Variants in ESR2 observed in about 807,000 individuals in gnomAD.
ESR2 encodes estrogen receptor beta.
ESR2 carries 36 observed loss-of-function variants against 49.6 expected under a neutral mutation model. The observed-to-expected ratio is 0.73, with a 90% confidence interval of 0.56 to 0.96. ESR2 has a LOEUF of 0.96. ESR2 is among the 40% of genes least tolerant of loss of function. The probability of loss-of-function intolerance (pLI) is 0.00; values close to 1 mark genes in which losing one functional copy is unlikely to be tolerated. For synonymous variants in ESR2, 320 were observed against 266.1 expected (o/e 1.20, Z -1.97); for missense variants, 714 against 693.0 (o/e 1.03, Z -0.34).
intron 1 of ESR2, chr14:64,335,873 C>T (rs1273559496): frequency 4.4e-5 from 6 of 137,888 alleles, no homozygotes; most frequent in African/African-American, 1.6e-4. Context: ...GGCGTGATCT[C>T]GGCTTACTGC....
chr14:64,295,268 T>G (rs1309879023), upstream of ESR2, among the ~76,000 whole-genome samples: 3 of 152,104 alleles, frequency 2.0e-5, no homozygotes, highest in Non-Finnish European at 2.9e-5. Context: ...AGGGACATGG[T>G]TTTTGAGGGT....
rs939117539 is a variant in ESR2 at position 64,232,971 on chromosome 14, G to A, written c.*166C>T. ...AGGGAAACTATGGCTTCCTCACACC[G>A]ACTCCTGAGAGTTGGGAAGGTGGAG... On this transcript the variant is annotated 3_prime_UTR_variant, in exon 9 of 9. Coordinates refer to ENST00000341099, the MANE Select transcript of ESR2 (RefSeq NM_001437.3). The A allele has an allele frequency of 5.1e-6, 7 of 1,360,090 alleles. No individual in the cohort carries two copies. The highest frequency in any genetic ancestry group is 1.5e-5 in the African/African-American group (1 of 68,854). 84.3% of individuals were successfully genotyped at this position (1,360,090 alleles called of 1,614,324 possible). A position where few individuals can be genotyped will look rare whatever the true frequency, so the allele number is the denominator to read the frequency against.
rs373591910 is a variant in ESR2 at position 64,333,775 on chromosome 14, C to A, written c.-91+4123G>T. On this transcript the variant is annotated intron_variant, in intron 1 of 8. Transcript: ENST00000358599. ...ATCTCCCACTGGGTCCCTCCCACAA[C>A]ATGTGGGAATTATGGGAGCTACAAT... is the stretch of plus-strand genomic sequence containing the variant. 1.1e-4 allele frequency among the ~76,000 whole-genome samples: 17 copies of A among 152,284 alleles called. No homozygotes were observed. In the East Asian group the frequency reaches 1.5e-3, roughly 14 times the overall value.
chr14:64,320,756 G>A (rs910328218), intron 1 of ESR2, among the ~76,000 whole-genome samples: 11 of 151,882 alleles, frequency 7.2e-5, no homozygotes, highest in African/African-American at 2.7e-4. Context: ...TTAGTCGGGT[G>A]TGGTGGTGCA....
At chr14:64,293,669 G>T (rs1267147722) in intron 1 of ESR2, among the ~76,000 whole-genome samples, 2 of 152,182 alleles carry the variant, frequency 1.3e-5, no homozygotes, top group Non-Finnish European at 2.9e-5. Context: ...TGCCTGAGAC[G>T]TGTACATCTT....
intron 1 of ESR2, among the ~76,000 whole-genome samples, chr14:64,321,537 TG>T (rs2077324379): frequency 6.6e-6 from 1 of 152,122 alleles, no homozygotes; most frequent in Non-Finnish European, 1.5e-5. Context: ...GGAATGGAAG[TG>T]GGGAATGGAA....
intron 1 of ESR2, among the ~76,000 whole-genome samples, chr14:64,322,518 GAAAAAA>G (rs35866794): frequency 4.6e-5 from 4 of 86,492 alleles, no homozygotes; most frequent in Admixed American, 2.4e-4. Context: ...CCACAGAAAG[GAAAAAA>G]AAAAAAAAAA....
At position 64,260,571 on chromosome 14, in the gene ESR2, G is replaced by T. The variant is rs768870975; in HGVS notation, c.830C>A (p.Pro277Gln). 1 of 1,602,010 alleles carries T rather than the reference G, an allele frequency of 6.2e-7. No homozygotes were observed. Among genetic ancestry groups the T allele is most frequent in the South Asian group, 1.1e-5 (1 of 89,856 alleles). The part of the protein sequence containing the change: ...QLVLTLLEAE[P>Q]PHVLISRPSA... ...GGGGCGGCTGATCAGCACATGGGGC[G>T]GCTCAGCCTCCAGGAGGGTGAGCAC... The change falls in exon 5 of 9, where the codon CCG (proline) becomes CAG (glutamine). Residue 277 changes from proline to glutamine, a missense_variant. Pro to Gln is a moderately conservative substitution (Grantham distance 76). Transcript: ENST00000341099.
intron 1 of ESR2, among the ~76,000 whole-genome samples, chr14:64,299,844 T>A (rs2077002715): frequency 6.6e-6 from 1 of 152,206 alleles, no homozygotes; most frequent in Non-Finnish European, 1.5e-5. Context: ...AAGTAGTTCA[T>A]GCAGCTACTT....
At chr14:64,272,643 T>C (rs998320615) in intron 3 of ESR2, among the ~76,000 whole-genome samples, 2 of 152,206 alleles carry the variant, frequency 1.3e-5, no homozygotes, top group Non-Finnish European at 2.9e-5. Flanking sequence ...GCACCATTTA[T>C]TGAAGAGACT....
intron 5 of ESR2, among the ~76,000 whole-genome samples, chr14:64,259,422 TTA>T (rs2076167463): frequency 6.6e-6 from 1 of 152,192 alleles, no homozygotes; most frequent in African/African-American, 2.4e-5. Context: ...GGCTCAGAAC[TTA>T]TAAGAGACTT....
At chr14:64,227,411 T>A (rs1567719841), downstream of ESR2, 2 of 1,158,012 alleles carry the variant, frequency 1.7e-6, no homozygotes, top group African/African-American at 3.1e-5. Context: ...ATAACTAACT[T>A]CAAAGTATTT....
At chr14:64,288,590 C>T (rs1027134746) in intron 1 of ESR2, among the ~76,000 whole-genome samples, 12 of 151,922 alleles carry the variant, frequency 7.9e-5, no homozygotes, top group African/African-American at 1.2e-4. Flanking sequence ...CCTCGTGACC[C>T]GCCCGCCTTG....
intron 7 of ESR2, among the ~76,000 whole-genome samples, chr14:64,235,885 C>T (rs1410388093): frequency 6.6e-6 from 1 of 152,200 alleles, no homozygotes; most frequent in Non-Finnish European, 1.5e-5. Flanking sequence ...GATTGAGATA[C>T]TGTGGCATCC....
intron 6 of ESR2, among the ~76,000 whole-genome samples, chr14:64,252,767 C>G (rs1046308516): frequency 6.6e-6 from 1 of 152,208 alleles, no homozygotes. Flanking sequence ...TCACTCCCAC[C>G]AGATCCCTCC....
chr14:64,337,504 A>C (rs2140914447), intron 1 of ESR2: 1 of 152,300 alleles, frequency 6.6e-6, no homozygotes, highest in Admixed American at 6.5e-5. Flanking sequence ...TACCTCTAAA[A>C]TATCCGCTTG....
chr14:64,259,099 C>A (rs1436984410), intron 5 of ESR2, among the ~76,000 whole-genome samples: 1 of 152,170 alleles, frequency 6.6e-6, no homozygotes, highest in Non-Finnish European at 1.5e-5. Context: ...GTTTGGAATA[C>A]ATTTAAAGCA....
intron 7 of ESR2, among the ~76,000 whole-genome samples, chr14:64,237,071 C>T (rs1158508523): frequency 6.6e-6 from 1 of 152,064 alleles, no homozygotes; most frequent in Non-Finnish European, 1.5e-5. Context: ...AGCAATTCTC[C>T]TGCCTCAGCC....
chr14:64,267,094 T>C (rs2076346513), intron 4 of ESR2, among the ~76,000 whole-genome samples: 1 of 152,228 alleles, frequency 6.6e-6, no homozygotes, highest in African/African-American at 2.4e-5. Context: ...TTGACCAGGA[T>C]GGTCTTGATC....
Sources: gnomAD v4.1 joint callset for allele counts (sites outside exome capture counted in the v4.1 genomes callset) on GRCh38, gnomAD v4.1.1 for gene constraint, MANE v1.5 for transcripts, NCBI Gene and HGNC (gene_info 2026-07-23, HGNC 2026-07-21) for gene names.